Variants in DOCK2 observed in about 807,000 individuals in gnomAD.
DOCK2 encodes the protein dedicator of cytokinesis protein 2.
A neutral mutation model predicts 248.9 loss-of-function variants in DOCK2; 87 were observed. The ratio of observed to expected loss-of-function variants is 0.35; its 90% CI spans 0.29 to 0.42. The LOEUF is 0.42. Among genes scored for constraint, DOCK2 ranks in the 10% least tolerant of loss-of-function variants. The pLI is 1.00. For missense variants in DOCK2, 1,747 were observed against 2,300.2 expected (o/e 0.76, Z 4.92); for synonymous variants, 805 against 821.6 (o/e 0.98, Z 0.35).
chr5:169,684,124 ATC>A, intron 7 of DOCK2, 70 bp from the exon 8 acceptor site: 1 of 1,570,808 alleles, frequency 6.4e-7, no homozygotes, highest in Non-Finnish European at 8.7e-7. Flanking sequence ...ATCCTTGACT[ATC>A]TCTCTGTTGC....
At chr5:169,815,970 C>G (rs1377400330) in intron 26 of DOCK2, among the ~76,000 whole-genome samples, 1 of 152,224 alleles carries the variant, frequency 6.6e-6, no homozygotes, top group Non-Finnish European at 1.5e-5. Flanking sequence ...GCCATTTACA[C>G]TCTAAACCTT....
chr5:169,811,067 G>C (rs557143797), intron 26 of DOCK2, among the ~76,000 whole-genome samples: 2 of 151,564 alleles, frequency 1.3e-5, no homozygotes, highest in South Asian at 2.1e-4. Flanking sequence ...GACAGCAAAG[G>C]GCATTAGCAT....
intron 25 of DOCK2, among the ~76,000 whole-genome samples, chr5:169,787,580 T>G (rs895164560): frequency 6.6e-6 from 1 of 152,130 alleles, no homozygotes; most frequent in Non-Finnish European, 1.5e-5. Flanking sequence ...GTCTAAAAAT[T>G]TCAAGTGAAA....
chr5:169,681,963 A>G (rs1759693282), intron 7 of DOCK2, 84 bp downstream of exon 7: 2 of 1,551,706 alleles, frequency 1.3e-6, no homozygotes. Context: ...AATGAACCAG[A>G]CTGTGTATTA....
chr5:169,730,599 T>A (rs1180581370), intron 22 of DOCK2, among the ~76,000 whole-genome samples: 1 of 152,202 alleles, frequency 6.6e-6, no homozygotes, highest in Non-Finnish European at 1.5e-5. Flanking sequence ...TGTCGTAACC[T>A]CTACAAGTCT....
At chr5:169,986,484 C>G (rs1469052224) in intron 29 of DOCK2, among the ~76,000 whole-genome samples, 1 of 152,098 alleles carries the variant, frequency 6.6e-6, no homozygotes, top group African/African-American at 2.4e-5. Flanking sequence ...TCAGTGTAAC[C>G]CAAGTATAGC....
chr5:169,804,484 GT>G (rs1767209186), intron 26 of DOCK2, among the ~76,000 whole-genome samples: 1 of 67,488 alleles, frequency 1.5e-5, no homozygotes, highest in Non-Finnish European at 3.9e-5. Flanking sequence ...GTGTGTGTGT[GT>G]GCGCGCGCGC....
chr5:169,664,736 C>A (rs1758625303), intron 2 of DOCK2, among the ~76,000 whole-genome samples: 1 of 152,108 alleles, frequency 6.6e-6, no homozygotes, highest in Non-Finnish European at 1.5e-5. Context: ...AGGGAAATCA[C>A]CCCTATGATC....
chr5:169,977,272 C>T (rs1041053496), intron 27 of DOCK2, among the ~76,000 whole-genome samples: 8 of 152,174 alleles, frequency 5.3e-5, no homozygotes, highest in African/African-American at 1.9e-4. Flanking sequence ...AGGCTCTTAG[C>T]TGTTCATCCC....
At chr5:169,663,675 A>T (rs921523542) in intron 2 of DOCK2, among the ~76,000 whole-genome samples, 3 of 152,224 alleles carry the variant, frequency 2.0e-5, no homozygotes, top group African/African-American at 7.2e-5. Flanking sequence ...TTTGAGCTGT[A>T]CCTTGGCCCC....
intron 6 of DOCK2, among the ~76,000 whole-genome samples, chr5:169,676,250 T>C (rs751869249): frequency 8.5e-5 from 13 of 152,066 alleles, no homozygotes; most frequent in African/African-American, 3.1e-4. Flanking sequence ...TTCCCTCCTA[T>C]TGTGGAAGAT....
At chr5:169,977,888 A>G (rs1252057189) in intron 27 of DOCK2, among the ~76,000 whole-genome samples, 1 of 152,134 alleles carries the variant, frequency 6.6e-6, no homozygotes, top group Non-Finnish European at 1.5e-5. Context: ...GACCCACCAC[A>G]CAGACAGCAC....
intron 27 of DOCK2, among the ~76,000 whole-genome samples, chr5:169,972,346 G>C (rs1162601071): frequency 1.3e-5 from 2 of 152,126 alleles, no homozygotes; most frequent in African/African-American, 4.8e-5. Context: ...CTCAACATCA[G>C]TGCTAGTGAC....
chr5:170,002,612 T>G (rs1445455695), intron 30 of DOCK2, among the ~76,000 whole-genome samples: 1 of 152,228 alleles, frequency 6.6e-6, no homozygotes, highest in Non-Finnish European at 1.5e-5. Context: ...TTATAATTTT[T>G]TGAGAGTTAA....
chr5:170,040,969 G>GT, intron 36 of DOCK2, 86 bp from the exon 37 acceptor site: 2 of 1,243,250 alleles, frequency 1.6e-6, no homozygotes, highest in East Asian at 4.7e-5. Context: ...GAGGTGCCCA[G>GT]TTGTTCTCTG....
chr5:169,779,678 C>T (rs79537291), intron 25 of DOCK2, among the ~76,000 whole-genome samples: 12,090 of 152,240 alleles, frequency 0.079, 592 homozygotes, highest in Non-Finnish European at 0.11. Context: ...CTGTCTGTCT[C>T]TCATTTGTTC....
chr5:169,972,646 C>A (rs1487313117), intron 27 of DOCK2, among the ~76,000 whole-genome samples: 1 of 150,274 alleles, frequency 6.7e-6, no homozygotes, highest in Non-Finnish European at 1.5e-5. Flanking sequence ...TGGATAAAAT[C>A]TCCCCTGTTA....
intron 25 of DOCK2, among the ~76,000 whole-genome samples, chr5:169,800,956 T>C (rs1306848182): frequency 2.4e-5 from 2 of 83,758 alleles, no homozygotes; most frequent in African/African-American, 8.3e-5. Flanking sequence ...TTTTTTTTTT[T>C]TTTTTTTTTT....
At chr5:169,930,347 A>C (rs924231174) in intron 27 of DOCK2, among the ~76,000 whole-genome samples, 2 of 151,970 alleles carry the variant, frequency 1.3e-5, no homozygotes, top group Non-Finnish European at 2.9e-5. Context: ...TTCAGAAGAC[A>C]CTCTGGCTTT....
Sources: allele counts gnomAD v4.1 joint callset (sites outside exome capture counted in the v4.1 genomes callset), GRCh38; gene constraint gnomAD v4.1.1; transcripts MANE v1.5; gene names NCBI Gene and HGNC (gene_info 2026-07-23, HGNC 2026-07-21).